DNAI3: variants seen among roughly 807,000 people sequenced by gnomAD.
The protein encoded by DNAI3 is WD repeat domain 63.
A neutral mutation model predicts 115.5 loss-of-function variants in DNAI3; 83 were observed. That is an observed-to-expected ratio of 0.72 (90% CI 0.60 to 0.86). DNAI3 has a LOEUF of 0.86. DNAI3 is among the 40% of genes least tolerant of loss of function. The pLI, the probability that DNAI3 is intolerant of heterozygous loss-of-function variation, is 0.00. For missense variants in DNAI3, 1,004 were observed against 1,075.8 expected (o/e 0.93, Z 0.93); for synonymous variants, 320 against 347.0 (o/e 0.92, Z 0.86).
intron 3 of DNAI3, among the ~76,000 whole-genome samples, chr1:85,077,618 G>A (rs1654498915): frequency 6.6e-6 from 1 of 152,070 alleles, no homozygotes; most frequent in South Asian, 2.1e-4. Context: ...CCAGAAAAAA[G>A]CAAACTAATC....
chr1:85,118,691 A>G (rs988863218), intron 17 of DNAI3, among the ~76,000 whole-genome samples: 1 of 152,144 alleles, frequency 6.6e-6, no homozygotes, highest in Non-Finnish European at 1.5e-5. Flanking sequence ...TGGGATCAGA[A>G]GTGAATAGCA....
chr1:85,117,671 A>AT (rs1655872604), intron 16 of DNAI3, 58 bp from the exon 17 acceptor site: 3 of 1,593,216 alleles, frequency 1.9e-6, no homozygotes, highest in Non-Finnish European at 2.6e-6. Flanking sequence ...AACTGTCTAT[A>AT]TTTTAAAAGA....
chr1:85,118,338 A>G (rs965792902), intron 17 of DNAI3, among the ~76,000 whole-genome samples: 1 of 152,178 alleles, frequency 6.6e-6, no homozygotes, highest in Non-Finnish European at 1.5e-5. Context: ...TTTACTGGAC[A>G]TTTTCTATGT....
rs1165797017 is a variant in DNAI3, at chr1:85,097,577, G to A, written c.1272G>A (p.Met424Ile). 32 of 1,608,426 alleles carry A rather than the reference G, an allele frequency of 2.0e-5. No individual in the cohort carries two copies. The highest frequency in any genetic ancestry group is 2.6e-5 in the Non-Finnish European group (31 of 1,178,362). Residue 424 changes from methionine (M) to isoleucine (I), a missense_variant, in exon 12 of 23, where the codon ATG becomes ATA. Transcript: ENST00000294664. ...AGGCINGQIV[M>I]WDITAHADRI... The stretch of plus-strand genomic sequence containing the variant: ...ATTTATTTCCATTTTAGATTGTCAT[G>A]TGGGATATCACCGCACATGCAGATC...
At chr1:85,106,889 T>A (rs1421413737) in intron 14 of DNAI3, among the ~76,000 whole-genome samples, 1 of 152,186 alleles carries the variant, frequency 6.6e-6, no homozygotes, top group Non-Finnish European at 1.5e-5. Context: ...TAAAATGGAA[T>A]AATGACCTAA....
chr1:85,072,223 A>G (rs1475480270), intron 2 of DNAI3, among the ~76,000 whole-genome samples: 1 of 152,242 alleles, frequency 6.6e-6, no homozygotes, highest in East Asian at 1.9e-4. Flanking sequence ...TGTAGTAAAC[A>G]TGTCACTAAG....
chr1:85,128,048 C>G (rs1341487840), intron 20 of DNAI3, among the ~76,000 whole-genome samples: 2 of 147,582 alleles, frequency 1.4e-5, no homozygotes, highest in Non-Finnish European at 3.0e-5. Context: ...TTGATTCAGC[C>G]TGGGAGGTTG....
At chr1:85,115,531 G>A (rs990759924) in intron 16 of DNAI3, among the ~76,000 whole-genome samples, 7 of 152,196 alleles carry the variant, frequency 4.6e-5, no homozygotes, top group Non-Finnish European at 7.3e-5. Context: ...CATGACCTAT[G>A]AGGATGATTT....
At position 85,130,018 on chromosome 1, in the gene DNAI3, G is replaced by A; in HGVS notation, c.2438G>A (p.Arg813Lys). The A allele has an allele frequency of 6.2e-7, 1 of 1,612,866 alleles. No individual in the cohort carries two copies. Among genetic ancestry groups the A allele is most frequent in the Non-Finnish European group, 8.5e-7 (1 of 1,179,534 alleles). Residue 813 changes from arginine to lysine, a missense_variant, in exon 22 of 23, where the codon AGA becomes AAA. Arg to Lys is a conservative substitution (Grantham distance 26). This residue lies in a region of DNAI3 where 429 missense variants were observed against 454.3 expected (regional missense o/e 0.94). Transcript: ENST00000294664. ...EMASVNHYFE[R>K]EVKHLEYVEQ... ...GCAAGTGTCAACCACTATTTTGAAA[G>A]AGAAGTCAAGCATCTGGAATACGTA... is the stretch of plus-strand genomic sequence containing the variant.
At chr1:85,091,917 A>G in intron 8 of DNAI3, among the ~76,000 whole-genome samples, 1 of 152,304 alleles carries the variant, frequency 6.6e-6, no homozygotes, top group Admixed American at 6.5e-5. Flanking sequence ...AGAATCAGGA[A>G]ACCAGAGCGG....
chr1:85,107,883 C>A, intron 14 of DNAI3, 150 bp from the exon 15 acceptor site: 1 of 504,606 alleles, frequency 2.0e-6, no homozygotes, highest in Non-Finnish European at 3.2e-6. Flanking sequence ...ATATAAAGTA[C>A]AAAGCTGTCT....
chr1:85,077,622 ACTAAT>A (rs1404752459), intron 3 of DNAI3, among the ~76,000 whole-genome samples: 1 of 152,196 alleles, frequency 6.6e-6, no homozygotes, highest in Non-Finnish European at 1.5e-5. Flanking sequence ...AAAAAAGCAA[ACTAAT>A]CTATAGTGAC....
At chr1:85,102,063 G>C (rs1655342523) in intron 13 of DNAI3, among the ~76,000 whole-genome samples, 1 of 151,966 alleles carries the variant, frequency 6.6e-6, no homozygotes, top group Non-Finnish European at 1.5e-5. Flanking sequence ...ATTAAATAAT[G>C]AGAGGGATAA....
intron 22 of DNAI3, among the ~76,000 whole-genome samples, chr1:85,132,291 G>A (rs944018955): frequency 1.3e-5 from 2 of 152,238 alleles, no homozygotes; most frequent in Non-Finnish European, 2.9e-5. Flanking sequence ...TGCTCACCAG[G>A]TGCCAGGTTG....
Position 85,117,711 on chromosome 1 carries a change from C to T in DNAI3, c.1787-18C>T, listed in dbSNP as rs372741410. On this transcript the variant is annotated intron_variant, in intron 16 of 22. Transcript: ENST00000294664. ...TCCCTGTAAATATGTACTTCTTCTACCCACACTCCTCTGAAAGACAAAATG... is the reference window on the plus strand; with the variant it reads ...TCCCTGTAAATATGTACTTCTTCTATCCACACTCCTCTGAAAGACAAAATG... 1.2e-6 allele frequency: 2 copies of T among 1,611,010 alleles called. No individual in the cohort carries two copies. Among genetic ancestry groups the T allele is most frequent in the African/African-American group, 2.7e-5 (2 of 74,866 alleles).
chr1:85,097,796 C>A, intron 12 of DNAI3, 141 bp downstream of exon 12: 1 of 752,520 alleles, frequency 1.3e-6, no homozygotes, highest in Non-Finnish European at 2.1e-6. Context: ...CAAGCCTTCA[C>A]CTGTGCTTGT....
chr1:85,097,747 T>C, intron 12 of DNAI3, 92 bp downstream of exon 12: 1 of 1,100,554 alleles, frequency 9.1e-7, no homozygotes, highest in Non-Finnish European at 1.3e-6. Context: ...TAATAAAAAC[T>C]CAAGAGAAAA....
At chr1:85,082,458 G>A (rs913365843) in intron 5 of DNAI3, 54 bp downstream of exon 5, 1 of 1,428,466 alleles carries the variant, frequency 7.0e-7, no homozygotes, top group African/African-American at 1.4e-5. Flanking sequence ...GGTTGTGGTT[G>A]TTTTTGAGAT....
At chr1:85,093,913 A>G (rs1655054493) in intron 9 of DNAI3, 10 of 579,504 alleles carry the variant, frequency 1.7e-5, no homozygotes, top group South Asian at 1.5e-4. Context: ...CAGGTCACCC[A>G]GATGGCATAA....
Sources: gnomAD v4.1 joint callset for allele counts (sites outside exome capture counted in the v4.1 genomes callset) on GRCh38, gnomAD v4.1.1 for gene constraint, gnomAD v4.1.1 regional missense constraint, MANE v1.5 for transcripts, NCBI Gene and HGNC (gene_info 2026-07-23, HGNC 2026-07-21) for gene names.